PDE6A: variants seen among roughly 807,000 people sequenced by gnomAD.
PDE6A encodes rod cGMP-specific 3',5'-cyclic phosphodiesterase subunit alpha.
PDE6A carries 84 observed loss-of-function variants against 106.3 expected under a neutral mutation model. That is an observed-to-expected ratio of 0.79 (90% CI 0.66 to 0.95). The LOEUF (loss-of-function observed/expected upper bound fraction) is 0.95, where lower values mean the gene tolerates loss of function less well. PDE6A is among the 40% of genes least tolerant of loss of function. The pLI is 0.00. For synonymous variants in PDE6A, 394 were observed against 386.6 expected (o/e 1.02, Z -0.23); for missense variants, 1,052 against 1,084.9 (o/e 0.97, Z 0.43).
At chr5:149,868,215 G>T in intron 17 of PDE6A, 57 bp from the exon 18 acceptor site, 2 of 1,516,204 alleles carry the variant, frequency 1.3e-6, no homozygotes, top group East Asian at 2.3e-5. Flanking sequence ...TCATGTACTG[G>T]TTAATTCCAT....
intron 4 of PDE6A, among the ~76,000 whole-genome samples, chr5:149,928,208 G>GATATATATATATATATATATATATATAT (rs1228867964): frequency 5.2e-5 from 3 of 57,732 alleles, no homozygotes; most frequent in Admixed American, 2.0e-4. Context: ...AATTGTATGT[G>GATATATATATATATATATATATATATAT]CTATATATAT....
intron 5 of PDE6A, among the ~76,000 whole-genome samples, chr5:149,920,966 GA>G (rs770204698): frequency 7.8e-6 from 1 of 128,544 alleles, no homozygotes; most frequent in African/African-American, 4.2e-5. Context: ...AAGAAAGAAA[GA>G]AAGAAAGAAA....
chr5:149,878,208 G>C (rs1489569694), intron 17 of PDE6A, among the ~76,000 whole-genome samples: 1 of 152,150 alleles, frequency 6.6e-6, no homozygotes. Flanking sequence ...ATCTTGGAAG[G>C]ACATGAGTTC....
chr5:149,870,245 T>G (rs1760483564), intron 17 of PDE6A, among the ~76,000 whole-genome samples: 1 of 152,188 alleles, frequency 6.6e-6, no homozygotes, highest in African/African-American at 2.4e-5. Context: ...GCTATGATCA[T>G]GCCACTGCAT....
intron 13 of PDE6A, among the ~76,000 whole-genome samples, chr5:149,888,272 G>A (rs1166744845): frequency 1.3e-5 from 2 of 151,994 alleles, no homozygotes; most frequent in African/African-American, 2.4e-5. Flanking sequence ...TGTACTATGG[G>A]GAACTACATG....
At chr5:149,884,923 A>C in intron 14 of PDE6A, 56 bp from the exon 15 acceptor site, 1 of 1,339,780 alleles carries the variant, frequency 7.5e-7, no homozygotes, top group South Asian at 1.2e-5. Context: ...ATTAGGACTA[A>C]ACATCAAGTC....
intron 17 of PDE6A, among the ~76,000 whole-genome samples, chr5:149,878,729 T>C (rs1428399676): frequency 2.0e-5 from 3 of 152,236 alleles, no homozygotes; most frequent in African/African-American, 7.2e-5. Flanking sequence ...TTATACCTCA[T>C]TGTAGTTTTA....
rs1266245761 is a variant in PDE6A at position 149,867,734 on chromosome 5, C to G, written c.2265G>C (p.Gln755His). ...TCCCCTGTCTACTCACAATGGGATT[C>G]TGTTGCAGCACCGTGCGCTCCAGGT... is the stretch of plus-strand genomic sequence containing the variant. ...QGDLERTVLQ[Q>H]NPIPMMDRNK... The change falls in exon 19 of 22, where the codon CAG becomes CAC. Residue 755 changes from glutamine (Q) to histidine (H), a missense_variant. This residue lies in a region of PDE6A where 135 missense variants were observed against 153.2 expected (regional missense o/e 0.88). Coordinates refer to ENST00000255266, the MANE Select transcript of PDE6A (RefSeq NM_000440.3). The G allele has an allele frequency of 2.5e-6, 4 of 1,613,940 alleles. No homozygotes were observed. Among genetic ancestry groups the G allele is most frequent in the Non-Finnish European group, 3.4e-6 (4 of 1,179,940 alleles).
intron 4 of PDE6A, among the ~76,000 whole-genome samples, chr5:149,928,231 A>ATATTTT: frequency 5.1e-5 from 1 of 19,754 alleles, no homozygotes; most frequent in East Asian, 7.4e-4. Context: ...ATATATATAT[A>ATATTTT]TTTTTTTTTT....
intron 20 of PDE6A, among the ~76,000 whole-genome samples, chr5:149,865,162 C>A: frequency 6.6e-6 from 1 of 151,194 alleles, no homozygotes; most frequent in African/African-American, 2.4e-5. Context: ...ATTTCTTGAA[C>A]CTGGGAGGTA....
At chr5:149,902,024 T>C (rs189445388) in intron 8 of PDE6A, among the ~76,000 whole-genome samples, 9 of 152,272 alleles carry the variant, frequency 5.9e-5, no homozygotes, top group Admixed American at 5.2e-4. Flanking sequence ...GGAAGTCACA[T>C]TTTACTAAGA....
At chr5:149,874,485 T>G (rs1760669877) in intron 17 of PDE6A, among the ~76,000 whole-genome samples, 1 of 149,066 alleles carries the variant, frequency 6.7e-6, no homozygotes, top group South Asian at 2.1e-4. Context: ...GGGGAATGCG[T>G]GCCACCACCT....
At chr5:149,930,521 C>T (rs1428218988) in intron 4 of PDE6A, among the ~76,000 whole-genome samples, 2 of 152,184 alleles carry the variant, frequency 1.3e-5, no homozygotes, top group East Asian at 1.9e-4. Context: ...TCGCTGGGAG[C>T]GACATCGAAC....
At chr5:149,902,173 A>G (rs772838304) in intron 8 of PDE6A, among the ~76,000 whole-genome samples, 2 of 152,156 alleles carry the variant, frequency 1.3e-5, no homozygotes, top group African/African-American at 2.4e-5. Context: ...TTCTCCTGCC[A>G]GTCTCTCCCT....
At chr5:149,887,456 G>T (rs940750768) in intron 13 of PDE6A, among the ~76,000 whole-genome samples, 1 of 152,184 alleles carries the variant, frequency 6.6e-6, no homozygotes, top group African/African-American at 2.4e-5. Context: ...TTGAGCCTAA[G>T]AATTCAAGAT....
At chr5:149,881,481 A>G (rs768519023) in intron 17 of PDE6A, among the ~76,000 whole-genome samples, 3 of 152,262 alleles carry the variant, frequency 2.0e-5, no homozygotes, top group Non-Finnish European at 4.4e-5. Flanking sequence ...TATCTTAAGC[A>G]AATTAACACA....
chr5:149,897,429 G>A (rs2113590062), intron 10 of PDE6A, among the ~76,000 whole-genome samples: 1 of 152,270 alleles, frequency 6.6e-6, no homozygotes, highest in East Asian at 1.9e-4. Context: ...CCATTCTTTG[G>A]CTGAAACTGT....
At chr5:149,906,795 G>T (rs146070573) in intron 7 of PDE6A, among the ~76,000 whole-genome samples, 1 of 151,220 alleles carries the variant, frequency 6.6e-6, no homozygotes, top group Non-Finnish European at 1.5e-5. Context: ...TTTTTGAGAT[G>T]GAGTCTCACT....
rs1275288049 is a variant in PDE6A at position 149,899,537 on chromosome 5, G to T, written c.1114-13C>A. ...CCAGAGGTTCTTTCTACAAGAGAAG[G>T]GCTAGATTAGGTTTCCTCTTGTTTC... On this transcript the variant is annotated splice_polypyrimidine_tract_variant and intron_variant, in intron 8 of 21. Transcript: ENST00000255266. 6.2e-7 allele frequency: 1 copy of T among 1,613,548 alleles called. No individual in the cohort carries two copies. The highest frequency in any genetic ancestry group is 1.3e-5 in the African/African-American group (1 of 74,918).
Sources: allele counts gnomAD v4.1 joint callset (sites outside exome capture counted in the v4.1 genomes callset), GRCh38; gene constraint gnomAD v4.1.1; regional missense constraint gnomAD v4.1.1; transcripts MANE v1.5; gene names NCBI Gene and HGNC (gene_info 2026-07-23, HGNC 2026-07-21).